The following FHIT variants were observed in gnomAD, a reference collection of about 807,000 sequenced individuals.
The protein encoded by FHIT is fragile histidine triad diadenosine triphosphatase, also known as bis(5'-adenosyl)-triphosphatase.
A neutral mutation model predicts 17.9 loss-of-function variants in FHIT; 19 were observed. The ratio of observed to expected loss-of-function variants is 1.06; its 90% CI spans 0.74 to 1.56. The LOEUF (loss-of-function observed/expected upper bound fraction) is 1.56. FHIT is among the 40% of genes most tolerant of loss of function. The pLI is 0.00. For synonymous variants in FHIT, 81 were observed against 69.7 expected (o/e 1.16, Z -0.81); for missense variants, 248 against 189.2 (o/e 1.31, Z -1.82).
chr3:60,344,287 A>T (rs1576507699), intron 5 of FHIT, among the ~76,000 whole-genome samples: 1 of 152,066 alleles, frequency 6.6e-6, no homozygotes, highest in East Asian at 1.9e-4. Flanking sequence ...TTTTTGTTTG[A>T]TGACAACTAG....
intron 4 of FHIT, among the ~76,000 whole-genome samples, chr3:60,594,788 G>T (rs1459565757): frequency 6.6e-6 from 1 of 151,936 alleles, no homozygotes; most frequent in Non-Finnish European, 1.5e-5. Flanking sequence ...TCTCCCTGGG[G>T]GCCTTCTATC....
chr3:61,181,650 CA>C (rs1356448728), intron 2 of FHIT, among the ~76,000 whole-genome samples: 1 of 152,044 alleles, frequency 6.6e-6, no homozygotes, highest in African/African-American at 2.4e-5. Flanking sequence ...ACCCAAAGAC[CA>C]AAAAAATCTA....
intron 3 of FHIT, among the ~76,000 whole-genome samples, chr3:61,006,060 T>C (rs545858718): frequency 2.5e-4 from 38 of 149,418 alleles, no homozygotes; most frequent in Non-Finnish European, 2.2e-4. Flanking sequence ...GTTACCACCA[T>C]GCTTAAAACA....
chr3:60,645,544 A>G (rs567950084), intron 4 of FHIT, among the ~76,000 whole-genome samples: 1 of 152,188 alleles, frequency 6.6e-6, no homozygotes, highest in African/African-American at 2.4e-5. Flanking sequence ...ACATGGCCAC[A>G]GTTGTCTCTA....
At chr3:59,820,138 C>G (rs1700738236) in intron 8 of FHIT, among the ~76,000 whole-genome samples, 1 of 152,216 alleles carries the variant, frequency 6.6e-6, no homozygotes, top group African/African-American at 2.4e-5. Flanking sequence ...TGGACTAAGA[C>G]AATGAATATA....
In FHIT at chr3:61,101,850, CTGTT is replaced by C. The variant is rs533390694; in HGVS notation, c.-163-59755_-163-59752del. ...GGGAGTTCACTTATGATTTAGCTCT[CTGTT>C]TGTCTGATAATGGTGTGTAGGAATG... On this transcript the variant is annotated intron_variant, in intron 2 of 9. Transcript: ENST00000492590. 2.6e-3 allele frequency among the ~76,000 whole-genome samples: 393 copies of C among 152,184 alleles called. 2 individuals are homozygous for C. Among genetic ancestry groups the C allele is most frequent in the Admixed American group, 0.011 (161 of 15,294 alleles).
intron 4 of FHIT, among the ~76,000 whole-genome samples, chr3:60,756,708 C>G (rs111729707): frequency 2.1e-3 from 315 of 152,284 alleles, no homozygotes; most frequent in African/African-American, 7.0e-3. Context: ...CCTAAAACAA[C>G]TCTAGGAATT....
chr3:60,110,520 G>T (rs554340423), intron 5 of FHIT, among the ~76,000 whole-genome samples: 8 of 152,128 alleles, frequency 5.3e-5, no homozygotes, highest in African/African-American at 1.9e-4. Flanking sequence ...ATGTAAAACA[G>T]GTGTGATTCA....
intron 5 of FHIT, among the ~76,000 whole-genome samples, chr3:60,276,979 A>G (rs1323699987): frequency 1.3e-5 from 2 of 152,086 alleles, no homozygotes; most frequent in East Asian, 3.9e-4. Flanking sequence ...CTCAACCAAC[A>G]ATGGGGATTA....
At chr3:61,026,416 A>C (rs1217372422) in intron 3 of FHIT, among the ~76,000 whole-genome samples, 1 of 152,206 alleles carries the variant, frequency 6.6e-6, no homozygotes, top group Admixed American at 6.5e-5. Context: ...GTCAAGAAGA[A>C]ACAGGATAAT....
At chr3:60,499,183 T>C (rs780942076) in intron 5 of FHIT, among the ~76,000 whole-genome samples, 3 of 152,176 alleles carry the variant, frequency 2.0e-5, no homozygotes, top group Non-Finnish European at 2.9e-5. Flanking sequence ...ATGGTGAATA[T>C]AGCAAGGTAT....
chr3:60,508,551 T>G (rs2034825864), intron 5 of FHIT, among the ~76,000 whole-genome samples: 1 of 152,178 alleles, frequency 6.6e-6, no homozygotes, highest in Non-Finnish European at 1.5e-5. Context: ...AATTTAGACT[T>G]CATTGGAGAG....
intron 8 of FHIT, among the ~76,000 whole-genome samples, chr3:59,824,963 G>C (rs1700924554): frequency 6.6e-6 from 1 of 152,152 alleles, no homozygotes; most frequent in Non-Finnish European, 1.5e-5. Context: ...TTGCTGTTAG[G>C]ATTCTCCAGC....
chr3:61,054,275 G>A (rs1388418960), intron 2 of FHIT, among the ~76,000 whole-genome samples: 3 of 152,160 alleles, frequency 2.0e-5, no homozygotes, highest in African/African-American at 7.2e-5. Context: ...CCAGCTCTGG[G>A]CTGAACAGGT....
chr3:60,451,502 G>T (rs989633123), intron 5 of FHIT, among the ~76,000 whole-genome samples: 2 of 152,068 alleles, frequency 1.3e-5, no homozygotes, highest in African/African-American at 4.8e-5. Context: ...AGAAAAAAAT[G>T]AAACCATATA....
intron 3 of FHIT, among the ~76,000 whole-genome samples, chr3:60,952,709 T>C (rs912032115): frequency 4.6e-5 from 7 of 152,182 alleles, no homozygotes; most frequent in African/African-American, 9.7e-5. Flanking sequence ...ATAGAAGACG[T>C]CCAGCTATAC....
At chr3:59,895,863 A>C (rs9868156) in intron 8 of FHIT, among the ~76,000 whole-genome samples, 39,925 of 152,042 alleles carry the variant, frequency 0.26, 8,776 homozygotes, top group African/African-American at 0.61. Flanking sequence ...CACCTGCTCA[A>C]CTCTGCACTA....
At chr3:60,713,903 A>G (rs1229930522) in intron 4 of FHIT, among the ~76,000 whole-genome samples, 1 of 151,616 alleles carries the variant, frequency 6.6e-6, no homozygotes, top group Non-Finnish European at 1.5e-5. Flanking sequence ...AATCAATAGA[A>G]AAAGAGGGAA....
chr3:60,522,613 C>G (rs936121489), intron 5 of FHIT, among the ~76,000 whole-genome samples: 1 of 152,146 alleles, frequency 6.6e-6, no homozygotes, highest in African/African-American at 2.4e-5. Flanking sequence ...TGTTGAGTAC[C>G]AGACTCAGAA....
Sources: gnomAD v4.1 joint callset for allele counts (sites outside exome capture counted in the v4.1 genomes callset) on GRCh38, gnomAD v4.1.1 for gene constraint, MANE v1.5 for transcripts, NCBI Gene and HGNC (gene_info 2026-07-23, HGNC 2026-07-21) for gene names.